HS6ST3: variants seen among roughly 807,000 people sequenced by gnomAD.
HS6ST3 encodes heparan sulfate 6-O-sulfotransferase 3, also known as heparan-sulfate 6-O-sulfotransferase 3.
A neutral mutation model predicts 36.7 loss-of-function variants in HS6ST3; 12 were observed. The observed-to-expected ratio is 0.33, with a 90% CI of 0.21 to 0.53. HS6ST3 has a LOEUF of 0.53. Ranked by LOEUF, HS6ST3 falls within the 20% of genes least tolerant of loss-of-function variation. The pLI is 0.95. For synonymous variants in HS6ST3, 240 were observed against 257.5 expected (o/e 0.93, Z 0.65); for missense variants, 584 against 640.9 (o/e 0.91, Z 0.96).
intron 1 of HS6ST3, among the ~76,000 whole-genome samples, chr13:96,455,854 C>G (rs1223418829): frequency 1.3e-5 from 2 of 152,148 alleles, no homozygotes; most frequent in Non-Finnish European, 2.9e-5. Flanking sequence ...ATAATGGAAA[C>G]AGAAAGCCTG....
At chr13:96,664,811 A>T (rs1241602094) in intron 1 of HS6ST3, among the ~76,000 whole-genome samples, 1 of 152,088 alleles carries the variant, frequency 6.6e-6, no homozygotes, top group Non-Finnish European at 1.5e-5. Context: ...CCCATCTCTT[A>T]TAATAACTCT....
chr13:96,522,423 T>C (rs2056097278), intron 1 of HS6ST3, among the ~76,000 whole-genome samples: 1 of 152,156 alleles, frequency 6.6e-6, no homozygotes, highest in Admixed American at 6.5e-5. Context: ...TTCTGCCTCA[T>C]TGATCTGTCT....
At position 96,408,923 on chromosome 13, in the gene HS6ST3, C is replaced by CA. The variant is rs368398487; in HGVS notation, c.707+317363dup. On this transcript the variant is annotated intron_variant, in intron 1 of 1. Coordinates refer to ENST00000376705, the MANE Select transcript of HS6ST3 (RefSeq NM_153456.4). ...TTGGTGACAGAGTGAGACTCCGTCT[C>CA]AAAAAAAAAGAAAAGAAAAGAAAAG... Among the ~76,000 whole-genome samples, 707 of 147,206 alleles carry CA rather than the reference C, an allele frequency of 4.8e-3. 3 individuals carry two copies. Among genetic ancestry groups the CA allele is most frequent in the Middle Eastern group, 0.031 (9 of 292 alleles).
intron 1 of HS6ST3, among the ~76,000 whole-genome samples, chr13:96,479,253 A>G (rs528641042): frequency 2.3e-4 from 35 of 152,342 alleles, no homozygotes; most frequent in African/African-American, 8.4e-4. Flanking sequence ...CAGGTGGACA[A>G]AAGTGTTTCA....
At chr13:96,669,665 T>A (rs1292302767) in intron 1 of HS6ST3, among the ~76,000 whole-genome samples, 1 of 152,216 alleles carries the variant, frequency 6.6e-6, no homozygotes, top group Non-Finnish European at 1.5e-5. Flanking sequence ...AGTACTTTTT[T>A]CTTTTCATTT....
At chr13:96,541,723 A>G (rs2056178646) in intron 1 of HS6ST3, among the ~76,000 whole-genome samples, 1 of 152,312 alleles carries the variant, frequency 6.6e-6, no homozygotes, top group East Asian at 1.9e-4. Context: ...CCCCCAGCCA[A>G]CTGATACTCT....
At chr13:96,810,343 A>C (rs568583267) in intron 1 of HS6ST3, among the ~76,000 whole-genome samples, 1 of 152,288 alleles carries the variant, frequency 6.6e-6, no homozygotes, top group South Asian at 2.1e-4. Flanking sequence ...AGAAGAAGGA[A>C]GCAGACCTTC....
At chr13:96,629,384 C>A (rs529458129) in intron 1 of HS6ST3, among the ~76,000 whole-genome samples, 25 of 152,280 alleles carry the variant, frequency 1.6e-4, no homozygotes, top group African/African-American at 5.3e-4. Flanking sequence ...GACTAAATTT[C>A]TTTCCTCTTG....
intron 1 of HS6ST3, among the ~76,000 whole-genome samples, chr13:96,775,045 A>C (rs1295825069): frequency 6.6e-6 from 1 of 152,236 alleles, no homozygotes; most frequent in Non-Finnish European, 1.5e-5. Context: ...CTTAAAGAAA[A>C]GAATTTTCAA....
At chr13:96,293,470 G>A (rs772031766) in intron 1 of HS6ST3, among the ~76,000 whole-genome samples, 49 of 151,980 alleles carry the variant, frequency 3.2e-4, no homozygotes, top group African/African-American at 1.2e-3. Flanking sequence ...ATTCTCATAC[G>A]TGTGCATATA....
chr13:96,573,915 C>T (rs185906382), intron 1 of HS6ST3: 17 of 512,384 alleles, frequency 3.3e-5, no homozygotes, highest in Non-Finnish European at 6.6e-5. Context: ...GGCAGCTCCA[C>T]AAAGAATCCG....
intron 1 of HS6ST3, among the ~76,000 whole-genome samples, chr13:96,359,966 C>A (rs2055229343): frequency 6.6e-6 from 1 of 152,140 alleles, no homozygotes. Context: ...CCCTATTCCA[C>A]CACTGAGCAG....
At chr13:96,498,112 G>A (rs544393255) in intron 1 of HS6ST3, among the ~76,000 whole-genome samples, 2 of 152,202 alleles carry the variant, frequency 1.3e-5, no homozygotes, top group Non-Finnish European at 2.9e-5. Flanking sequence ...AACACACAGT[G>A]TCCTCGGACA....
chr13:96,732,863 T>A (rs1876195619), intron 1 of HS6ST3, among the ~76,000 whole-genome samples: 1 of 152,216 alleles, frequency 6.6e-6, no homozygotes, highest in South Asian at 2.1e-4. Context: ...TTTCACCTTG[T>A]TTGTTAAATT....
intron 1 of HS6ST3, among the ~76,000 whole-genome samples, chr13:96,824,265 A>G (rs538457199): frequency 3.3e-5 from 5 of 152,248 alleles, no homozygotes; most frequent in Admixed American, 1.3e-4. Context: ...TGCGACGCAC[A>G]TGGCTTCTGT....
intron 1 of HS6ST3, among the ~76,000 whole-genome samples, chr13:96,659,728 C>T (rs2056639720): frequency 6.6e-6 from 1 of 151,960 alleles, no homozygotes; most frequent in Admixed American, 6.6e-5. Context: ...TATCTAATTG[C>T]TCCAGAACCA....
At chr13:96,822,508 C>G (rs746073413) in intron 1 of HS6ST3, among the ~76,000 whole-genome samples, 4 of 152,140 alleles carry the variant, frequency 2.6e-5, no homozygotes, top group Admixed American at 2.6e-4. Flanking sequence ...GACAACCACC[C>G]GAAAATCATG....
chr13:96,189,309 T>C (rs1257938022), intron 1 of HS6ST3, among the ~76,000 whole-genome samples: 1 of 151,618 alleles, frequency 6.6e-6, no homozygotes, highest in Non-Finnish European at 1.5e-5. Flanking sequence ...GTCATGGGGG[T>C]TGTAACAGAG....
intron 1 of HS6ST3, among the ~76,000 whole-genome samples, chr13:96,619,474 G>A (rs555180680): frequency 5.3e-5 from 8 of 152,164 alleles, no homozygotes; most frequent in African/African-American, 1.9e-4. Context: ...AGTTGGTTAG[G>A]GAAATTACTA....
Sources: gnomAD v4.1 joint callset for allele counts (sites outside exome capture counted in the v4.1 genomes callset) on GRCh38, gnomAD v4.1.1 for gene constraint, MANE v1.5 for transcripts, NCBI Gene and HGNC (gene_info 2026-07-23, HGNC 2026-07-21) for gene names.